SATB1: variants seen among roughly 807,000 people sequenced by gnomAD.
SATB1 encodes the protein SATB homeobox 1.
In SATB1, 11 loss-of-function variants were observed where a neutral mutation model predicts 86.9. That is an observed-to-expected ratio of 0.13 (90% confidence interval 0.08 to 0.21). SATB1 has a LOEUF of 0.21. Among genes scored for constraint, SATB1 ranks in the 10% least tolerant of loss-of-function variants. The probability of loss-of-function intolerance (pLI) is 1.00; values close to 1 mark genes in which losing one functional copy is unlikely to be tolerated. For missense variants in SATB1, 551 were observed against 937.6 expected (o/e 0.59, Z 5.39); for synonymous variants, 357 against 357.2 (o/e 1.00, Z 0.01).
At chr3:18,411,996 G>A (rs936204683) in intron 5 of SATB1, among the ~76,000 whole-genome samples, 5 of 150,648 alleles carry the variant, frequency 3.3e-5, no homozygotes, top group African/African-American at 4.9e-5. Context: ...TTTTTGAAAC[G>A]GAGTCTCGTT....
At chr3:18,367,944 C>A (rs2125163298) in intron 9 of SATB1, among the ~76,000 whole-genome samples, 1 of 152,284 alleles carries the variant, frequency 6.6e-6, no homozygotes, top group African/African-American at 2.4e-5. Flanking sequence ...GCTGGCTTAT[C>A]CCTAACATAC....
intron 10 of SATB1, 53 bp downstream of exon 10, chr3:18,351,939 G>A: frequency 1.9e-6 from 3 of 1,563,706 alleles, no homozygotes; most frequent in Non-Finnish European, 8.8e-7. Context: ...TCCCTGCTAA[G>A]TTTAAAGCTT....
At chr3:18,420,556 T>C in intron 2 of SATB1, 1 of 586,180 alleles carries the variant, frequency 1.7e-6, no homozygotes. Flanking sequence ...CAGTCTACAG[T>C]AGAACGCTCC....
chr3:18,371,503 C>T (rs922432799), intron 9 of SATB1, among the ~76,000 whole-genome samples: 1 of 152,060 alleles, frequency 6.6e-6, no homozygotes, highest in African/African-American at 2.4e-5. Context: ...TCTAAGGTTA[C>T]TTTTTAAGAT....
At chr3:18,355,359 T>C (rs1694578228) in intron 9 of SATB1, among the ~76,000 whole-genome samples, 1 of 152,068 alleles carries the variant, frequency 6.6e-6, no homozygotes, top group Admixed American at 6.6e-5. Context: ...ATTCTATTGA[T>C]TGTTACTCTA....
intron 7 of SATB1, among the ~76,000 whole-genome samples, chr3:18,393,310 G>A (rs183358406): frequency 5.3e-5 from 8 of 150,882 alleles, no homozygotes; most frequent in African/African-American, 9.7e-5. Flanking sequence ...AAAGTTACGC[G>A]GTTTTTCGTT....
At chr3:18,404,135 G>A (rs528957813) in intron 5 of SATB1, among the ~76,000 whole-genome samples, 1 of 152,212 alleles carries the variant, frequency 6.6e-6, no homozygotes, top group African/African-American at 2.4e-5. Context: ...AAATGAATTT[G>A]TTGAAAATTA....
chr3:18,416,201 GT>G, intron 3 of SATB1, 68 bp from the exon 4 acceptor site: 2 of 1,319,616 alleles, frequency 1.5e-6, no homozygotes, highest in Non-Finnish European at 2.1e-6. Flanking sequence ...CTAGAAGGGT[GT>G]TCTTTTCTTT....
upstream of SATB1, among the ~76,000 whole-genome samples, chr3:18,440,931 TATC>T (rs1163318351): frequency 6.6e-6 from 1 of 152,196 alleles, no homozygotes; most frequent in African/African-American, 2.4e-5. Context: ...CATTTTGAAA[TATC>T]ATAGAACTTA....
intron 1 of SATB1, 58 bp from the exon 2 acceptor site, chr3:18,421,049 T>C (rs1388807696): frequency 1.7e-6 from 2 of 1,148,168 alleles, no homozygotes; most frequent in Non-Finnish European, 2.6e-6. Flanking sequence ...CGTGTATATA[T>C]GTGTCCTATG....
In SATB1 at chr3:18,444,893, G is replaced by A. The variant is rs1699341595; in HGVS notation, c.-25+625C>T. On this transcript the variant is annotated intron_variant, in intron 1 of 3. Coordinates refer to the SATB1 transcript ENST00000415069. The surrounding 1 kb of genome is among the most constrained non-coding windows in gnomAD (Gnocchi z 5.1). ...GAAGGAAGAGAAGGAGGGGGAGGGAGGAGATGTTAACGGGCGGGGGGGGGA... is the reference window on the plus strand; with the variant it reads ...GAAGGAAGAGAAGGAGGGGGAGGGAAGAGATGTTAACGGGCGGGGGGGGGA... 3.7e-5 allele frequency: 5 copies of A among 133,372 alleles called. No homozygotes were observed. In the South Asian group the frequency reaches 1.3e-3, roughly 35 times the overall value. 8.3% of individuals were successfully genotyped at this position (133,372 alleles called of 1,614,324 possible).
chr3:18,433,712 A>G (rs533149994), intron 2 of SATB1, among the ~76,000 whole-genome samples: 45 of 152,244 alleles, frequency 3.0e-4, no homozygotes, highest in African/African-American at 8.2e-4. Context: ...AAAAGCATTA[A>G]ATAAAATACT....
chr3:18,422,163 A>G (rs545789476), intron 1 of SATB1, among the ~76,000 whole-genome samples: 93 of 152,290 alleles, frequency 6.1e-4, no homozygotes, highest in Non-Finnish European at 1.2e-3. Flanking sequence ...ATTTAGGAAA[A>G]CCAGAGAGAA....
chr3:18,377,453 G>A (rs1190013672), intron 9 of SATB1, among the ~76,000 whole-genome samples: 1 of 152,118 alleles, frequency 6.6e-6, no homozygotes, highest in African/African-American at 2.4e-5. Context: ...CACTTTTGAT[G>A]AACATGAATT....
rs202045977 is a variant in SATB1 at position 18,385,633 on chromosome 3, A to AG, written c.1419+765_1419+766insC. ...GCGGCACTCCATCTCAAAAGAAAAAAAAAAAAAGATAATATATTTGCTTGT... is the reference window on the plus strand; with the variant it reads ...GCGGCACTCCATCTCAAAAGAAAAAAGAAAAAAAGATAATATATTTGCTTGT... On this transcript the variant is annotated intron_variant, in intron 8 of 10. Coordinates refer to ENST00000338745, the MANE Select transcript of SATB1 (RefSeq NM_002971.6). Among the ~76,000 whole-genome samples the AG allele has an allele frequency of 6.2e-3, 948 of 151,768 alleles. 24 individuals carry two copies. In the East Asian group the frequency reaches 0.066, roughly 11 times the overall value.
chr3:18,402,348 A>C (rs1697316478), intron 5 of SATB1, among the ~76,000 whole-genome samples: 2 of 152,070 alleles, frequency 1.3e-5, no homozygotes, highest in Admixed American at 6.6e-5. Flanking sequence ...ACCAAAAAAA[A>C]CCACCCCAAA....
At chr3:18,362,348 T>A (rs1290514980) in intron 9 of SATB1, among the ~76,000 whole-genome samples, 1 of 152,046 alleles carries the variant, frequency 6.6e-6, no homozygotes, top group Non-Finnish European at 1.5e-5. Flanking sequence ...GGCTCACACT[T>A]CAACGAGTGA....
intron 8 of SATB1, among the ~76,000 whole-genome samples, chr3:18,381,317 G>A (rs924321869): frequency 7.2e-5 from 11 of 152,264 alleles, no homozygotes; most frequent in South Asian, 2.1e-4. Flanking sequence ...AGAATTGCCT[G>A]CAAGCACACT....
At chr3:18,362,395 T>C (rs1694943960) in intron 9 of SATB1, among the ~76,000 whole-genome samples, 1 of 152,022 alleles carries the variant, frequency 6.6e-6, no homozygotes, top group Non-Finnish European at 1.5e-5. Context: ...CCACAACAAA[T>C]TCAAGCGGCA....
Sources: gnomAD v4.1 joint callset for allele counts (sites outside exome capture counted in the v4.1 genomes callset) on GRCh38, gnomAD v4.1.1 for gene constraint, Gnocchi (gnomAD v3.1) non-coding constraint, MANE v1.5 for transcripts, NCBI Gene and HGNC (gene_info 2026-07-23, HGNC 2026-07-21) for gene names.